C4orf17: variants seen among roughly 807,000 people sequenced by gnomAD.
The protein encoded by C4orf17 is uncharacterized protein C4orf17.
In C4orf17, 25 loss-of-function variants were observed where a neutral mutation model predicts 32.0. The observed-to-expected ratio is 0.78, with a 90% CI of 0.57 to 1.09. C4orf17 has a LOEUF of 1.09. Ranked by LOEUF, C4orf17 falls within the 50% of genes least tolerant of loss-of-function variation. C4orf17 has a pLI of 0.00. For missense variants in C4orf17, 420 were observed against 420.0 expected (o/e 1.00, Z 0.00); for synonymous variants, 149 against 145.8 (o/e 1.02, Z -0.16).
intron 3 of C4orf17, among the ~76,000 whole-genome samples, chr4:99,523,340 T>A (rs935375294): frequency 6.6e-6 from 1 of 152,214 alleles, no homozygotes; most frequent in African/African-American, 2.4e-5. Context: ...CCCATACAAT[T>A]TACATGCTAT....
intron 5 of C4orf17, 23 bp from the exon 6 acceptor site, chr4:99,537,646 G>C: frequency 1.3e-6 from 2 of 1,562,852 alleles, no homozygotes; most frequent in Non-Finnish European, 1.8e-6. Flanking sequence ...TTGCTCATAT[G>C]TAACTCTAAT....
chr4:99,539,199 T>C lies in C4orf17; in HGVS notation c.665T>C (p.Leu222Pro). Residue 222 changes from leucine (L) to proline (P), a missense_variant, in exon 7 of 9, where the codon CTT (leucine) becomes CCT (proline). Transcript: ENST00000326581. ...GTCTCAGCTTTGATTCATTCTGAGC[T>C]TGCCGAGATAAACCTGTTAACTCAT... ...EWVSALIHSE[L>P]AEINLLTHHR... 2 of 1,614,100 alleles carry C rather than the reference T, an allele frequency of 1.2e-6. No individual in the cohort carries two copies. Among genetic ancestry groups the C allele is most frequent in the Non-Finnish European group, 1.7e-6 (2 of 1,179,950 alleles).
At chr4:99,540,712 G>A (rs7675468) in intron 8 of C4orf17, 24,061 of 354,264 alleles carry the variant, frequency 0.068, 1,626 homozygotes, top group East Asian at 0.21. Context: ...GGAACTATAG[G>A]TTTGGTTATA....
In C4orf17 at chr4:99,524,577, A is replaced by G. The variant is rs1311329439; in HGVS notation, c.394A>G (p.Ile132Val). The change falls in exon 4 of 9, where the codon ATT becomes GTT. Residue 132 changes from isoleucine (I) to valine (V), a missense_variant. By Grantham distance (29) the Ile-to-Val change is conservative (BLOSUM62 3). Transcript: ENST00000326581. ...FKTSSENPLV[I>V]KKEEIKAKRP... The stretch of plus-strand genomic sequence containing the variant: ...AACTTCCAGTGAGAATCCCTTAGTA[A>G]TTAAAAAGGTAAGGAACAGCTATTT... The G allele has an allele frequency of 6.3e-7, 1 of 1,594,714 alleles. No homozygotes were observed.
chr4:99,542,002 C>T lies in C4orf17; in HGVS notation c.973C>T (p.Pro325Ser). Residue 325 changes from proline to serine, a missense_variant, in exon 9 of 9, where the codon CCT becomes TCT. Physicochemically the swap from Pro to Ser is moderately conservative, Grantham distance 74. Transcript: ENST00000326581. ...CAGCAAACCAAATTCTCCTCCCAGG[C>T]CTAACACTCAGGAGAGTGGATCAGC... ...YFSKPNSPPR[P>S]NTQESGSAKP... The T allele has an allele frequency of 6.2e-7, 1 of 1,613,812 alleles. No individual in the cohort carries two copies. Among genetic ancestry groups the T allele is most frequent in the Non-Finnish European group, 8.5e-7 (1 of 1,179,746 alleles).
intron 5 of C4orf17, chr4:99,536,127 C>T (rs1560591001): frequency 3.0e-6 from 1 of 333,108 alleles, no homozygotes; most frequent in African/African-American, 2.2e-5. Flanking sequence ...GGGTACTGAG[C>T]TGTTGCTGGC....
chr4:99,530,663 A>T (rs1503774), intron 5 of C4orf17, among the ~76,000 whole-genome samples: 53,713 of 151,948 alleles, frequency 0.35, 10,194 homozygotes, highest in African/African-American at 0.49. Flanking sequence ...ATAGTTATAA[A>T]TACAAATAAC....
chr4:99,537,768 A>T lies in C4orf17; in HGVS notation c.628+18A>T, dbSNP rs754156769. ...TTCAAAAGGTGCGATTAAGATATAAATTTTAAAACACTGAGCTCAATTTAT... is the reference window on the plus strand; with the variant it reads ...TTCAAAAGGTGCGATTAAGATATAATTTTTAAAACACTGAGCTCAATTTAT... On this transcript the variant is annotated intron_variant, in intron 6 of 8. Transcript: ENST00000326581. The T allele has an allele frequency of 6.4e-7, 1 of 1,564,494 alleles. No homozygotes were observed. Among genetic ancestry groups the T allele is most frequent in the Non-Finnish European group, 8.8e-7 (1 of 1,138,474 alleles).
At chr4:99,521,601 G>A (rs1723287969) in intron 2 of C4orf17, among the ~76,000 whole-genome samples, 1 of 152,164 alleles carries the variant, frequency 6.6e-6, no homozygotes, top group Non-Finnish European at 1.5e-5. Flanking sequence ...TGATTTTGAT[G>A]TTATTTGAGA....
At chr4:99,524,198 GTC>G (rs1283279552) in intron 3 of C4orf17, among the ~76,000 whole-genome samples, 1 of 151,912 alleles carries the variant, frequency 6.6e-6, no homozygotes, top group Admixed American at 6.6e-5. Context: ...AGCCAGGATG[GTC>G]TCGATCTCCT....
chr4:99,540,223 A>G (rs186610719), intron 7 of C4orf17, among the ~76,000 whole-genome samples, 189 bp from the exon 8 acceptor site: 1 of 152,252 alleles, frequency 6.6e-6, no homozygotes, highest in Admixed American at 6.5e-5. Context: ...ATAGTTAAAT[A>G]TTTACTCAAA....
At chr4:99,520,425 T>G (rs1243051250) in intron 2 of C4orf17, among the ~76,000 whole-genome samples, 1 of 152,224 alleles carries the variant, frequency 6.6e-6, no homozygotes, top group Non-Finnish European at 1.5e-5. Context: ...TTGAAACTTT[T>G]TTTCCTATGA....
At chr4:99,529,416 A>G (rs371391392) in intron 4 of C4orf17, among the ~76,000 whole-genome samples, 2 of 152,244 alleles carry the variant, frequency 1.3e-5, no homozygotes, top group Admixed American at 1.3e-4. Context: ...AGCAATTTGC[A>G]TCATGCAGTT....
At chr4:99,528,206 A>G (rs539534258) in intron 4 of C4orf17, among the ~76,000 whole-genome samples, 153 of 144,912 alleles carry the variant, frequency 1.1e-3, no homozygotes, top group African/African-American at 3.7e-3. Context: ...GTTTTTCTCA[A>G]TTAAAAGAAG....
intron 2 of C4orf17, among the ~76,000 whole-genome samples, chr4:99,517,054 G>A (rs543328514): frequency 2.6e-5 from 4 of 152,242 alleles, no homozygotes; most frequent in East Asian, 3.9e-4. Flanking sequence ...TTTTAAAAGC[G>A]CTTCTCTCTG....
chr4:99,524,493 A>C (rs749895559), intron 3 of C4orf17, 28 bp from the exon 4 acceptor site: 4 of 1,399,642 alleles, frequency 2.9e-6, no homozygotes, highest in African/African-American at 1.4e-5. Flanking sequence ...GTTTAATCTA[A>C]ATACATTTTT....
intron 4 of C4orf17, among the ~76,000 whole-genome samples, chr4:99,528,368 C>A (rs1000387175): frequency 3.9e-5 from 6 of 152,000 alleles, no homozygotes; most frequent in Non-Finnish European, 7.4e-5. Context: ...CTATTACATA[C>A]TTTATCTTAT....
intron 2 of C4orf17, among the ~76,000 whole-genome samples, chr4:99,518,478 G>A (rs1578187333): frequency 1.3e-5 from 1 of 77,516 alleles, no homozygotes; most frequent in African/African-American, 5.5e-5. Context: ...GCAAGACCCT[G>A]TCTCTTTAAA....
intron 2 of C4orf17, among the ~76,000 whole-genome samples, chr4:99,514,231 C>T (rs1405471163): frequency 6.6e-6 from 1 of 151,942 alleles, no homozygotes; most frequent in Admixed American, 6.6e-5. Context: ...AAAGCAAATG[C>T]AACAAAAACA....
Sources: allele counts gnomAD v4.1 joint callset (sites outside exome capture counted in the v4.1 genomes callset), GRCh38; gene constraint gnomAD v4.1.1; transcripts MANE v1.5; gene names NCBI Gene and HGNC (gene_info 2026-07-23, HGNC 2026-07-21).